PRRC1: variants seen among roughly 807,000 people sequenced by gnomAD.
PRRC1 encodes the protein proline rich coiled-coil 1, also known as protein PRRC1.
PRRC1 carries 39 observed loss-of-function variants against 40.7 expected under a neutral mutation model. The observed-to-expected ratio is 0.96, with a 90% CI of 0.74 to 1.25. PRRC1 has a LOEUF of 1.25. Among genes scored for constraint, PRRC1 ranks in the 50% most tolerant of loss-of-function variants. The pLI, the probability that PRRC1 is intolerant of heterozygous loss-of-function variation, is 0.00. For synonymous variants in PRRC1, 175 were observed against 193.3 expected, an observed-to-expected ratio of 0.91 and a Z score of 0.79; for missense variants, 573 against 548.3, an observed-to-expected ratio of 1.05 and a Z score of -0.45.
At position 127,554,126 on chromosome 5, in the gene PRRC1, A is replaced by G. The variant is rs537664915; in HGVS notation, c.*2210A>G. 5 of 406,196 alleles carry G rather than the reference A, an allele frequency of 1.2e-5. No individual in the cohort carries two copies. Among genetic ancestry groups the G allele is most frequent in the Admixed American group, 4.2e-5 (1 of 23,920 alleles). The allele number at this position is 406,196 out of a possible 1,614,324, so 25.2% of individuals were successfully genotyped here. On this transcript the variant is annotated 3_prime_UTR_variant, in exon 9 of 9. Coordinates refer to ENST00000296666, the MANE Select transcript of PRRC1 (RefSeq NM_130809.5). ...AGTAACTCATCATCTCTAACACACC[A>G]TGGCAGCTTAGCCAGGTAGTCTTAG...
At chr5:127,542,547 T>A (rs1302767218) in intron 7 of PRRC1, among the ~76,000 whole-genome samples, 1 of 151,012 alleles carries the variant, frequency 6.6e-6, no homozygotes, top group Non-Finnish European at 1.5e-5. Flanking sequence ...GCTTTATGAA[T>A]CTGGGTGCTC....
chr5:127,543,038 C>G (rs1768096124), intron 7 of PRRC1, among the ~76,000 whole-genome samples: 1 of 135,400 alleles, frequency 7.4e-6, no homozygotes, highest in African/African-American at 2.7e-5. Flanking sequence ...ATGTTTAGTG[C>G]TTCCTTCAGC....
At chr5:127,542,392 G>C (rs967783335) in intron 7 of PRRC1, among the ~76,000 whole-genome samples, 5 of 150,922 alleles carry the variant, frequency 3.3e-5, no homozygotes, top group African/African-American at 1.2e-4. Flanking sequence ...TATTAGGTCC[G>C]CTTGGTGCAG....
chr5:127,545,212 T>C, intron 7 of PRRC1, among the ~76,000 whole-genome samples: 1 of 151,816 alleles, frequency 6.6e-6, no homozygotes, highest in Non-Finnish European at 1.5e-5. Flanking sequence ...GTTCAACCAT[T>C]GTGGAAGTCA....
Position 127,553,375 on chromosome 5 carries a change from C to G in PRRC1, c.*1459C>G. 1 of 1,014,644 alleles carries G rather than the reference C, an allele frequency of 9.9e-7. No individual in the cohort carries two copies. Among genetic ancestry groups the G allele is most frequent in the Non-Finnish European group, 1.2e-6 (1 of 849,926 alleles). 62.9% of individuals were successfully genotyped at this position (1,014,644 alleles called of 1,614,324 possible). ...TTCCAAGCACTGTATAATGACTGTT[C>G]AGTGAATATCAGACTTCCGTGTCAT... On this transcript the variant is annotated 3_prime_UTR_variant, in exon 9 of 9. Transcript: ENST00000296666.
chr5:127,519,499 CAGAT>C (rs1466612085), intron 1 of PRRC1, among the ~76,000 whole-genome samples: 1 of 152,224 alleles, frequency 6.6e-6, no homozygotes, highest in East Asian at 1.9e-4. Flanking sequence ...TTGAACTTCT[CAGAT>C]AGTATCCTAT....
Position 127,524,912 on chromosome 5 carries a change from C to A in PRRC1, c.485C>A (p.Ser162Ter). The A allele has an allele frequency of 6.3e-7, 1 of 1,596,528 alleles. No individual in the cohort carries two copies. Among genetic ancestry groups the A allele is most frequent in the South Asian group, 1.1e-5 (1 of 89,296 alleles). The stretch of plus-strand genomic sequence containing the variant: ...CTGATGCCATCATTTTCTGCACCTT[C>A]AGGAACAGGTAATTCTTTCTGATAC... Reference protein sequence around the residue: ...TPLMPSFSAPSGTGLLPTPIT... With the variant: ...TPLMPSFSAP Residue 162 changes from serine (S) to a stop codon, truncating the protein, a stop_gained, in exon 3 of 9, where the codon TCA (serine) becomes TAA (stop). Coordinates refer to ENST00000296666, the MANE Select transcript of PRRC1 (RefSeq NM_130809.5). LOFTEE classifies it high-confidence loss of function.
Position 127,539,029 on chromosome 5 carries a change from T to C in PRRC1, c.922-11T>C. 2 of 1,605,402 alleles carry C rather than the reference T, an allele frequency of 1.2e-6. No individual in the cohort carries two copies. The highest frequency in any genetic ancestry group is 1.7e-6 in the Non-Finnish European group (2 of 1,172,988). ...TTGAAATGGTCTCTAACCTCTGCCA[T>C]TGTTGTTTAGGGTGCTCAGGAACGG... On this transcript the variant is annotated splice_polypyrimidine_tract_variant and intron_variant, in intron 6 of 8. Transcript: ENST00000296666.
chr5:127,534,678 C>A (rs928502178), intron 6 of PRRC1, among the ~76,000 whole-genome samples: 1 of 152,202 alleles, frequency 6.6e-6, no homozygotes, highest in Non-Finnish European at 1.5e-5. Context: ...ACCTTCTCAT[C>A]AATTCACTCT....
At chr5:127,545,328 A>T (rs1259031095) in intron 7 of PRRC1, among the ~76,000 whole-genome samples, 1 of 152,094 alleles carries the variant, frequency 6.6e-6, no homozygotes, top group Non-Finnish European at 1.5e-5. Context: ...CTATAAAGAC[A>T]CATGCACACA....
chr5:127,531,016 T>G (rs770127533), intron 5 of PRRC1, among the ~76,000 whole-genome samples: 1 of 152,234 alleles, frequency 6.6e-6, no homozygotes, highest in African/African-American at 2.4e-5. Flanking sequence ...AGTAATTCTG[T>G]AAAAGATAAC....
intron 7 of PRRC1, 107 bp downstream of exon 7, chr5:127,539,250 A>G (rs966038056): frequency 3.3e-5 from 25 of 755,840 alleles, no homozygotes; most frequent in Non-Finnish European, 5.1e-5. Context: ...AGAGAAAAGT[A>G]TATTTTGATG....
chr5:127,543,771 C>T (rs1302476974), intron 7 of PRRC1, among the ~76,000 whole-genome samples: 4 of 152,146 alleles, frequency 2.6e-5, no homozygotes, highest in African/African-American at 9.7e-5. Flanking sequence ...GTTATACATT[C>T]GTCTAAATTT....
intron 7 of PRRC1, among the ~76,000 whole-genome samples, chr5:127,546,799 T>G (rs1768235881): frequency 1.3e-5 from 2 of 152,198 alleles, no homozygotes; most frequent in South Asian, 4.1e-4. Flanking sequence ...CTCGACTTTA[T>G]GGAGGCTTCA....
chr5:127,536,612 T>C (rs1767910387), intron 6 of PRRC1, among the ~76,000 whole-genome samples: 1 of 152,094 alleles, frequency 6.6e-6, no homozygotes. Context: ...AATTAGAGAC[T>C]AAAACAAGGG....
chr5:127,545,877 T>C (rs1042356474), intron 7 of PRRC1, among the ~76,000 whole-genome samples: 3 of 151,874 alleles, frequency 2.0e-5, no homozygotes, highest in African/African-American at 7.3e-5. Flanking sequence ...TCTCTGTCGT[T>C]TTATTTTTTG....
chr5:127,530,168 T>C (rs910898188), intron 4 of PRRC1, 126 bp from the exon 5 acceptor site: 6 of 680,386 alleles, frequency 8.8e-6, no homozygotes, highest in Non-Finnish European at 1.5e-5. Context: ...CATGACCTTA[T>C]ATATCTTACA....
intron 6 of PRRC1, among the ~76,000 whole-genome samples, chr5:127,537,243 G>T (rs78065898): frequency 0.014 from 2,124 of 151,864 alleles, 28 homozygotes; most frequent in East Asian, 0.039. Context: ...TAAGCTCTTA[G>T]AGTACAATAT....
At chr5:127,534,602 G>C (rs1215244752) in intron 6 of PRRC1, among the ~76,000 whole-genome samples, 1 of 151,916 alleles carries the variant, frequency 6.6e-6, no homozygotes, top group East Asian at 1.9e-4. Context: ...CCTCCTTCAT[G>C]TATTGCTCAC....
Sources: allele counts gnomAD v4.1 joint callset (sites outside exome capture counted in the v4.1 genomes callset), GRCh38; gene constraint gnomAD v4.1.1; transcripts MANE v1.5; gene names NCBI Gene and HGNC (gene_info 2026-07-23, HGNC 2026-07-21).